NKG7: variants seen among roughly 807,000 people sequenced by gnomAD.
The protein encoded by NKG7 is natural killer cell granule protein 7, also known as protein NKG7.
NKG7 carries 8 observed loss-of-function variants against 14.7 expected under a neutral mutation model. That is an observed-to-expected ratio of 0.54 (90% CI 0.32 to 0.98). NKG7 has a LOEUF of 0.98. NKG7 is among the 50% of genes least tolerant of loss of function. The pLI is 0.04. For missense variants in NKG7, 215 were observed against 211.1 expected, an observed-to-expected ratio of 1.02 and a Z score of -0.11; for synonymous variants, 95 against 90.7, an observed-to-expected ratio of 1.05 and a Z score of -0.27.
In NKG7 at chr19:51,372,595, G is replaced by C; in HGVS notation, c.-60C>G. ...GGAAGAGGCTGCTGATCAGACTCTTGAATCTCAGAGAGAAGGAGGCTGTGC... is the reference window on the plus strand; with the variant it reads ...GGAAGAGGCTGCTGATCAGACTCTTCAATCTCAGAGAGAAGGAGGCTGTGC... On this transcript the variant is annotated 5_prime_UTR_variant, in exon 1 of 4. Coordinates refer to ENST00000221978, the MANE Select transcript of NKG7 (RefSeq NM_005601.4). This position sits in a 1 kb window ranked among gnomAD's most constrained non-coding sequence, Gnocchi z 4.8. 6.4e-7 allele frequency: 1 copy of C among 1,566,916 alleles called. No homozygotes were observed.
chr19:51,372,526 A>G lies in NKG7; in HGVS notation c.10T>C (p.Cys4Arg). The change falls in exon 1 of 4, where the codon TGC becomes CGC. Residue 4 changes from cysteine (C) to arginine (R), a missense_variant. Coordinates refer to ENST00000221978, the MANE Select transcript of NKG7 (RefSeq NM_005601.4). The surrounding 1 kb of genome is among the most constrained non-coding windows in gnomAD (Gnocchi z 4.8). The part of the protein sequence containing the change: MEL[C>R]RSLALLGGSL... The stretch of plus-strand genomic sequence containing the variant: ...CCCCCCAGCAGGGCCAGGGACCGGC[A>G]GAGCTCCATGGGGATAAGCTCAGGG... The G allele has an allele frequency of 6.2e-7, 1 of 1,613,928 alleles. No homozygotes were observed. Among genetic ancestry groups the G allele is most frequent in the Non-Finnish European group, 8.5e-7 (1 of 1,179,974 alleles).
Position 51,371,686 on chromosome 19 carries a change from G to T in NKG7, c.*91C>A. The T allele has an allele frequency of 7.3e-7, 1 of 1,365,446 alleles. No homozygotes were observed. The highest frequency in any genetic ancestry group is 1.0e-6 in the Non-Finnish European group (1 of 1,002,896). The allele number at this position is 1,365,446 out of a possible 1,614,324, so 84.6% of individuals were successfully genotyped here. On this transcript the variant is annotated 3_prime_UTR_variant, in exon 4 of 4. Coordinates refer to ENST00000221978, the MANE Select transcript of NKG7 (RefSeq NM_005601.4). The surrounding 1 kb of genome is among the most constrained non-coding windows in gnomAD (Gnocchi z 4.2). ...GGGGCTGGGGAAGGGCTGGAAGGGCGGGCAGATGTGGGACCAGACTTTCCC... is the reference window on the plus strand; with the variant it reads ...GGGGCTGGGGAAGGGCTGGAAGGGCTGGCAGATGTGGGACCAGACTTTCCC...
chr19:51,372,216 T>C lies in NKG7; in HGVS notation c.249A>G (p.Ser83=). The C allele has an allele frequency of 6.2e-7, 1 of 1,613,040 alleles. No individual in the cohort carries two copies. Among genetic ancestry groups the C allele is most frequent in the Non-Finnish European group, 8.5e-7 (1 of 1,179,582 alleles). Residue 83 remains serine, a synonymous_variant, in exon 2 of 4, where the codon TCA becomes TCG. Coordinates refer to ENST00000221978, the MANE Select transcript of NKG7 (RefSeq NM_005601.4). The surrounding 1 kb of genome is among the most constrained non-coding windows in gnomAD (Gnocchi z 4.8). ...VSFLVLSCFP[S]LFPPGHGPLV... is the part of the protein sequence containing the mutation. ...GCGGGCCGTGGCCTGGGGGGAACAG[T>C]GAGGGGAAGCAGGACAGGACCAGGA...
rs1167405667 is a variant in NKG7, at chr19:51,371,994, A to G, written c.385T>C (p.Phe129Leu). 1.9e-6 allele frequency: 3 copies of G among 1,613,670 alleles called. No individual in the cohort carries two copies. Residue 129 changes from phenylalanine (F) to leucine (L), a missense_variant, in exon 3 of 4, where the codon TTC becomes CTC. Transcript: ENST00000221978. This position sits in a 1 kb window ranked among gnomAD's most constrained non-coding sequence, Gnocchi z 4.2. ...QPPHPQIQTFFSWSFYLGWVS... is the reference protein window; with the variant it reads ...QPPHPQIQTFLSWSFYLGWVS... ...CAGCCCAGGTAGAAGGACCAGGAGAAGAAGGTCTGGATCTGGGGGTGTGGA... is the reference window on the plus strand; with the variant it reads ...CAGCCCAGGTAGAAGGACCAGGAGAGGAAGGTCTGGATCTGGGGGTGTGGA...
Position 51,372,297 on chromosome 19 carries a change from G to C in NKG7, c.168C>G (p.His56Gln), listed in dbSNP as rs765331087. 1 of 1,612,442 alleles carries C rather than the reference G, an allele frequency of 6.2e-7. No homozygotes were observed. ...CCATAATGCTGAAGGTCTGCGTCACGTGGATGTAGCCTGATCGGGAGAAGA... is the reference window on the plus strand; with the variant it reads ...CCATAATGCTGAAGGTCTGCGTCACCTGGATGTAGCCTGATCGGGAGAAGA... ...GHGDIISGYI[H>Q]VTQTFSIMAV... is the part of the protein sequence containing the mutation. Residue 56 changes from histidine to glutamine, a missense_variant, in exon 2 of 4, where the codon CAC (histidine) becomes CAG (glutamine). Physicochemically the swap from His to Gln is conservative, Grantham distance 24. Transcript: ENST00000221978. This position sits in a 1 kb window ranked among gnomAD's most constrained non-coding sequence, Gnocchi z 4.8.
At position 51,372,148 on chromosome 19, in the gene NKG7, C is replaced by A; in HGVS notation, c.304+13G>T. The A allele has an allele frequency of 6.3e-7, 1 of 1,599,154 alleles. No individual in the cohort carries two copies. The highest frequency in any genetic ancestry group is 8.5e-7 in the Non-Finnish European group (1 of 1,172,108). On this transcript the variant is annotated intron_variant, in intron 2 of 3. Coordinates refer to ENST00000221978, the MANE Select transcript of NKG7 (RefSeq NM_005601.4). This position sits in a 1 kb window ranked among gnomAD's most constrained non-coding sequence, Gnocchi z 4.8. ...CTGGCTCGCGATGCCCCAGTCCAGT[C>A]CAGAGTCCTTACCTGCAGCAAAGGC...
chr19:51,371,871 G>T lies in NKG7; in HGVS notation c.440-36C>A, dbSNP rs1367230209. 2 of 1,607,308 alleles carry T rather than the reference G, an allele frequency of 1.2e-6. No homozygotes were observed. Among genetic ancestry groups the T allele is most frequent in the African/African-American group, 2.7e-5 (2 of 74,772 alleles). ...AGAAAGAGTTTAAGCACTTGCCCCT[G>T]CCCTCTGTCCTCAGGGACCCCAACT... On this transcript the variant is annotated intron_variant, in intron 3 of 3. Transcript: ENST00000221978. This position sits in a 1 kb window ranked among gnomAD's most constrained non-coding sequence, Gnocchi z 4.2.
In NKG7 at chr19:51,372,637, C is replaced by A; in HGVS notation, c.-102G>T. 7.4e-7 allele frequency: 1 copy of A among 1,348,872 alleles called. No homozygotes were observed. Among genetic ancestry groups the A allele is most frequent in the Non-Finnish European group, 1.0e-6 (1 of 1,003,188 alleles). The allele number at this position is 1,348,872 out of a possible 1,614,324, so 83.6% of individuals were successfully genotyped here. On this transcript the variant is annotated 5_prime_UTR_variant, in exon 1 of 4. Transcript: ENST00000221978. This position sits in a 1 kb window ranked among gnomAD's most constrained non-coding sequence, Gnocchi z 4.8. ...AGGCTGTGCACCCAGACTCCTGGGT[C>A]CTTAGAGCCCAAGAAAGAGAGAACA...
In NKG7 at chr19:51,372,172, G is replaced by A. The variant is rs771544941; in HGVS notation, c.293C>T (p.Ala98Val). 5 of 1,607,270 alleles carry A rather than the reference G, an allele frequency of 3.1e-6. No individual in the cohort carries two copies. In the East Asian group the frequency reaches 1.1e-4, roughly 36 times the overall value. ...GHGPLVSTTA[A>V]FAAAISMVVA... is the part of the protein sequence containing the mutation. ...TCCAGAGTCCTTACCTGCAGCAAAGGCTGCGGTGGTTGAGACAAGCGGGCC... is the reference window on the plus strand; with the variant it reads ...TCCAGAGTCCTTACCTGCAGCAAAGACTGCGGTGGTTGAGACAAGCGGGCC... The change falls in exon 2 of 4, where the codon GCC becomes GTC. Residue 98 changes from alanine to valine, a missense_variant. Transcript: ENST00000221978. This position sits in a 1 kb window ranked among gnomAD's most constrained non-coding sequence, Gnocchi z 4.8.
At position 51,372,480 on chromosome 19, in the gene NKG7, C is replaced by G. The variant is rs954628760; in HGVS notation, c.56G>C (p.Cys19Ser). ...GAAATCGGTGCTCAAAGCAATCAGG[C>G]AGAACATCAGGCCCAGGGAGCCCCC... ...LLGGSLGLMF[C>S]LIALSTDFWF... is the part of the protein sequence containing the mutation. Residue 19 changes from cysteine to serine, a missense_variant, in exon 1 of 4, where the codon TGC (cysteine) becomes TCC (serine). Coordinates refer to ENST00000221978, the MANE Select transcript of NKG7 (RefSeq NM_005601.4). This position sits in a 1 kb window ranked among gnomAD's most constrained non-coding sequence, Gnocchi z 4.8. 2.5e-6 allele frequency: 4 copies of G among 1,614,054 alleles called. No homozygotes were observed. In the African/African-American group the frequency reaches 5.3e-5, roughly 22 times the overall value.
Position 51,372,177 on chromosome 19 carries a change from G to C in NKG7, c.288C>G (p.Thr96=), listed in dbSNP as rs144240268. ...AGTCCTTACCTGCAGCAAAGGCTGC[G>C]GTGGTTGAGACAAGCGGGCCGTGGC... ...PPGHGPLVST[T]AAFAAAISMV... is the part of the protein sequence containing the mutation. The change falls in exon 2 of 4, where the codon ACC becomes ACG. Residue 96 remains threonine (T), a synonymous_variant. Transcript: ENST00000221978. The surrounding 1 kb of genome is among the most constrained non-coding windows in gnomAD (Gnocchi z 4.8). 6.2e-7 allele frequency: 1 copy of C among 1,608,840 alleles called. No individual in the cohort carries two copies. Among genetic ancestry groups the C allele is most frequent in the Non-Finnish European group, 8.5e-7 (1 of 1,177,328 alleles).
chr19:51,371,986 C>A lies in NKG7; in HGVS notation c.393G>T (p.Trp131Cys). 1 of 1,613,494 alleles carries A rather than the reference C, an allele frequency of 6.2e-7. No homozygotes were observed. The highest frequency in any genetic ancestry group is 8.5e-7 in the Non-Finnish European group (1 of 1,179,964). Residue 131 changes from tryptophan (W) to cysteine (C), a missense_variant, in exon 3 of 4, where the codon TGG (tryptophan) becomes TGT (cysteine). Transcript: ENST00000221978. The surrounding 1 kb of genome is among the most constrained non-coding windows in gnomAD (Gnocchi z 4.2). ...PHPQIQTFFS[W>C]SFYLGWVSAI... Reference sequence around the variant, plus strand: ...CTGAGACCCAGCCCAGGTAGAAGGACCAGGAGAAGAAGGTCTGGATCTGGG... The same window carrying A: ...CTGAGACCCAGCCCAGGTAGAAGGAACAGGAGAAGAAGGTCTGGATCTGGG...
At position 51,371,779 on chromosome 19, in the gene NKG7, A is replaced by C. The variant is rs770978798; in HGVS notation, c.496T>G (p.Ter166GlyextTer?). The change falls in exon 4 of 4, where the codon TGA (stop) becomes GGA (glycine). Residue 166 changes from the stop codon to glycine, a stop_lost. Transcript: ENST00000221978. The surrounding 1 kb of genome is among the most constrained non-coding windows in gnomAD (Gnocchi z 4.2). ...ATCTTGCCGCTCTTGCCTTCTGCTC[A>C]CAAGGTTTCATAGCCAGGACGGGGA... ...GGPRPGYETL* is the reference protein window; with the variant it reads ...GGPRPGYETLG 6.2e-6 allele frequency: 10 copies of C among 1,612,220 alleles called. No homozygotes were observed. In the East Asian group the frequency reaches 2.2e-4, roughly 36 times the overall value.
At position 51,371,709 on chromosome 19, in the gene NKG7, C is replaced by A. The variant is rs372843399; in HGVS notation, c.*68G>T. ...GCGGGCAGATGTGGGACCAGACTTT[C>A]CCGAGGCTCCAGATGAGGCCTTTGG... On this transcript the variant is annotated 3_prime_UTR_variant, in exon 4 of 4. Transcript: ENST00000221978. The surrounding 1 kb of genome is among the most constrained non-coding windows in gnomAD (Gnocchi z 4.2). 324 of 1,515,200 alleles carry A rather than the reference C, an allele frequency of 2.1e-4. 1 individual carries two copies. The highest frequency in any genetic ancestry group is 1.4e-3 in the South Asian group (111 of 79,238). 93.9% of individuals were successfully genotyped at this position (1,515,200 alleles called of 1,614,324 possible). A position where few individuals can be genotyped will look rare whatever the true frequency, so the allele number is the denominator to read the frequency against.
chr19:51,371,718 C>A lies in NKG7; in HGVS notation c.*59G>T. 6.5e-7 allele frequency: 1 copy of A among 1,540,882 alleles called. No homozygotes were observed. The highest frequency in any genetic ancestry group is 1.2e-5 in the South Asian group (1 of 82,696). ...TGTGGGACCAGACTTTCCCGAGGCT[C>A]CAGATGAGGCCTTTGGAATACAACG... On this transcript the variant is annotated 3_prime_UTR_variant, in exon 4 of 4. Coordinates refer to ENST00000221978, the MANE Select transcript of NKG7 (RefSeq NM_005601.4). This position sits in a 1 kb window ranked among gnomAD's most constrained non-coding sequence, Gnocchi z 4.2.
In NKG7 at chr19:51,372,500, G is replaced by GC. The variant is rs1203309368; in HGVS notation, c.35dup (p.Ser13LeufsTer18). 6.2e-6 allele frequency: 10 copies of GC among 1,614,000 alleles called. No homozygotes were observed. Among genetic ancestry groups the GC allele is most frequent in the Admixed American group, 3.3e-5 (2 of 60,006 alleles). The stretch of plus-strand genomic sequence containing the variant: ...TCAGGCAGAACATCAGGCCCAGGGA[G>GC]CCCCCCAGCAGGGCCAGGGACCGGC... On this transcript the variant is annotated frameshift_variant, in exon 1 of 4. Coordinates refer to ENST00000221978, the MANE Select transcript of NKG7 (RefSeq NM_005601.4). LOFTEE classifies it high-confidence loss of function. The surrounding 1 kb of genome is among the most constrained non-coding windows in gnomAD (Gnocchi z 4.8).
In NKG7 at chr19:51,371,694, G is replaced by T. The variant is rs1243342335; in HGVS notation, c.*83C>A. The T allele has an allele frequency of 4.4e-5, 64 of 1,447,644 alleles. No individual in the cohort carries two copies. In the East Asian group the frequency reaches 1.5e-3, roughly 34 times the overall value. The allele number at this position is 1,447,644 out of a possible 1,614,324, so 89.7% of individuals were successfully genotyped here. On this transcript the variant is annotated 3_prime_UTR_variant, in exon 4 of 4. Coordinates refer to ENST00000221978, the MANE Select transcript of NKG7 (RefSeq NM_005601.4). The surrounding 1 kb of genome is among the most constrained non-coding windows in gnomAD (Gnocchi z 4.2). ...GGAAGGGCTGGAAGGGCGGGCAGAT[G>T]TGGGACCAGACTTTCCCGAGGCTCC...
chr19:51,372,314 G>A lies in NKG7; in HGVS notation c.158-7C>T, dbSNP rs185392316. ...TGCGTCACGTGGATGTAGCCTGATC[G>A]GGAGAAGACCACTGAGCACCCATCC... On this transcript the variant is annotated splice_region_variant and splice_polypyrimidine_tract_variant and intron_variant, in intron 1 of 3. Coordinates refer to ENST00000221978, the MANE Select transcript of NKG7 (RefSeq NM_005601.4). The surrounding 1 kb of genome is among the most constrained non-coding windows in gnomAD (Gnocchi z 4.8). 2.3e-4 allele frequency: 368 copies of A among 1,611,856 alleles called. No homozygotes were observed. Among genetic ancestry groups the A allele is most frequent in the Admixed American group, 1.4e-3 (86 of 59,902 alleles).
In NKG7 at chr19:51,371,853, G is replaced by A. The variant is rs1236410012; in HGVS notation, c.440-18C>T. 6.2e-7 allele frequency: 1 copy of A among 1,611,076 alleles called. No homozygotes were observed. The highest frequency in any genetic ancestry group is 8.5e-7 in the Non-Finnish European group (1 of 1,178,140). ...CAGGGCACCTGGGGAGCCAGAAAGA[G>A]TTTAAGCACTTGCCCCTGCCCTCTG... On this transcript the variant is annotated intron_variant, in intron 3 of 3. Transcript: ENST00000221978. This position sits in a 1 kb window ranked among gnomAD's most constrained non-coding sequence, Gnocchi z 4.2.
Sources: allele counts gnomAD v4.1 joint callset, GRCh38; gene constraint gnomAD v4.1.1; non-coding constraint Gnocchi (gnomAD v3.1); transcripts MANE v1.5; gene names NCBI Gene and HGNC (gene_info 2026-07-23, HGNC 2026-07-21).